The following CTSE variants were observed in gnomAD, a reference collection of about 807,000 sequenced individuals.
CTSE encodes the protein cathepsin E.
In CTSE, 43 loss-of-function variants were observed where a neutral mutation model predicts 42.8. The ratio of observed to expected loss-of-function variants is 1.01; its 90% confidence interval spans 0.79 to 1.30. The LOEUF is 1.30. Among genes scored for constraint, CTSE ranks in the 50% most tolerant of loss-of-function variants. The pLI is 0.00. For missense variants in CTSE, 532 were observed against 493.5 expected, an observed-to-expected ratio of 1.08 and a Z score of -0.74; for synonymous variants, 205 against 191.5, an observed-to-expected ratio of 1.07 and a Z score of -0.58.
intron 4 of CTSE, among the ~76,000 whole-genome samples, 188 bp downstream of exon 4, chr1:206,020,861 C>A (rs1553278258): frequency 6.6e-6 from 1 of 152,032 alleles, no homozygotes; most frequent in Non-Finnish European, 1.5e-5. Context: ...TCCCCCAGGG[C>A]CCAGCGTGCT....
chr1:206,023,334 G>A (rs114031154), intron 1 of CTSE, among the ~76,000 whole-genome samples: 1,914 of 151,890 alleles, frequency 0.013, 33 homozygotes, highest in African/African-American at 0.044. Flanking sequence ...GATGTGGGGC[G>A]GTCTACAGTT....
intron 5 of CTSE, chr1:206,014,198 A>G: frequency 3.0e-6 from 1 of 330,310 alleles, no homozygotes; most frequent in Non-Finnish European, 5.7e-6. Flanking sequence ...GGCCAGGACC[A>G]TCCTGGGTGG....
chr1:206,023,584 T>G, intron 1 of CTSE, 140 bp downstream of exon 1: 2 of 723,554 alleles, frequency 2.8e-6, no homozygotes, highest in Non-Finnish European at 4.8e-6. Flanking sequence ...GGTCACTGGA[T>G]GAGTCTCTTC....
intron 4 of CTSE, among the ~76,000 whole-genome samples, chr1:206,019,886 ATATAT>A (rs1345028520): frequency 2.8e-5 from 4 of 142,138 alleles, no homozygotes; most frequent in African/African-American, 1.0e-4. Context: ...ATATTATGTA[ATATAT>A]TATTACATAC....
intron 8 of CTSE, 71 bp downstream of exon 8, chr1:206,012,237 G>C (rs953152194): frequency 1.2e-5 from 15 of 1,288,772 alleles, no homozygotes; most frequent in Non-Finnish European, 1.7e-5. Flanking sequence ...AAGTGCAGGC[G>C]ATTGAAAAGG....
At chr1:206,023,634 C>T in intron 1 of CTSE, 90 bp downstream of exon 1, 1 of 1,252,334 alleles carries the variant, frequency 8.0e-7, no homozygotes. Flanking sequence ...CTCCTCTTCA[C>T]CTCCCCATCA....
rs372472827 is a variant in CTSE, at chr1:206,010,106, T to C, written c.*77A>G. 1.2e-5 allele frequency: 19 copies of C among 1,574,240 alleles called. No individual in the cohort carries two copies. The highest frequency in any genetic ancestry group is 1.5e-5 in the Non-Finnish European group (17 of 1,146,412). ...GCTACATTCTCTGGAAAATAACTTT[T>C]TGTAGGTGTAAAGAATGCCCCAGCC... On this transcript the variant is annotated 3_prime_UTR_variant, in exon 9 of 9. Transcript: ENST00000358184.
At chr1:206,023,231 C>T (rs1004537970) in intron 1 of CTSE, among the ~76,000 whole-genome samples, 174 bp from the exon 2 acceptor site, 14 of 151,900 alleles carry the variant, frequency 9.2e-5, no homozygotes, top group Admixed American at 2.0e-4. Flanking sequence ...TCAGCCTGCC[C>T]GGCCTCATCT....
intron 4 of CTSE, among the ~76,000 whole-genome samples, chr1:206,019,799 G>C (rs1202641109): frequency 7.2e-6 from 1 of 138,976 alleles, no homozygotes; most frequent in Non-Finnish European, 1.5e-5. Flanking sequence ...TTATATAATA[G>C]ATTAACATAT....
At chr1:206,022,836 T>A in intron 2 of CTSE, 65 bp downstream of exon 2, 1 of 1,437,654 alleles carries the variant, frequency 7.0e-7, no homozygotes. Context: ...GCACTGGCCA[T>A]GCCCTAATGC....
rs781892212 is a variant in CTSE, at chr1:206,015,920, A to T, written c.662+11T>A. ...AACTGACTTTAACCTCACAGACTTGATGGGCCTTACCTGCTCATGTAGACA... is the reference window on the plus strand; with the variant it reads ...AACTGACTTTAACCTCACAGACTTGTTGGGCCTTACCTGCTCATGTAGACA... On this transcript the variant is annotated intron_variant, in intron 5 of 8. Coordinates refer to ENST00000358184, the MANE Select transcript of CTSE (RefSeq NM_001910.4). 6 of 1,612,618 alleles carry T rather than the reference A, an allele frequency of 3.7e-6. No homozygotes were observed. The East Asian group carries it at 1.1e-4, about 30-fold the overall frequency.
chr1:206,014,971 C>T (rs186961652), intron 5 of CTSE, among the ~76,000 whole-genome samples: 9 of 152,026 alleles, frequency 5.9e-5, no homozygotes, highest in Non-Finnish European at 1.2e-4. Context: ...ACAGTGTGAA[C>T]GCAGGCCAGG....
Position 206,021,120 on chromosome 1 carries a change from G to C in CTSE, c.391C>G (p.Pro131Ala). 3 of 1,613,730 alleles carry C rather than the reference G, an allele frequency of 1.9e-6. No homozygotes were observed. The highest frequency in any genetic ancestry group is 2.5e-6 in the Non-Finnish European group (3 of 1,179,712). Residue 131 changes from proline to alanine, a missense_variant, in exon 4 of 9, where the codon CCA becomes GCA. Transcript: ENST00000358184. ...QPSQSSTYSQ[P>A]GQSFSIQYGT... ...TACTGAATGGAGAAAGATTGACCTG[G>C]CTGGCTGTATGTGCTGGACTGGGAA...
At chr1:206,011,466 G>A (rs1054108394) in intron 8 of CTSE, among the ~76,000 whole-genome samples, 2 of 152,072 alleles carry the variant, frequency 1.3e-5, no homozygotes, top group Admixed American at 6.5e-5. Flanking sequence ...CTGGTCCTCA[G>A]TGTGGTGTTC....
chr1:206,021,005 C>T (rs936166591), intron 4 of CTSE, 44 bp downstream of exon 4: 1 of 1,407,002 alleles, frequency 7.1e-7, no homozygotes, highest in South Asian at 1.2e-5. Flanking sequence ...ATAAGTCTCC[C>T]AAGTTTCTGT....
At chr1:206,014,166 C>T in intron 5 of CTSE, 1 of 379,820 alleles carries the variant, frequency 2.6e-6, no homozygotes, top group South Asian at 3.3e-5. Flanking sequence ...ATGGGGCCAG[C>T]AGGTCTGTCA....
chr1:206,013,573 C>T (rs1323376797), intron 6 of CTSE, among the ~76,000 whole-genome samples, 199 bp downstream of exon 6: 1 of 151,996 alleles, frequency 6.6e-6, no homozygotes, highest in Non-Finnish European at 1.5e-5. Flanking sequence ...GCCATGTGTA[C>T]AAGGAAGGAA....
At position 206,010,070 on chromosome 1, in the gene CTSE, C is replaced by T; in HGVS notation, c.*113G>A. 7 of 1,341,104 alleles carry T rather than the reference C, an allele frequency of 5.2e-6. No homozygotes were observed. Among genetic ancestry groups the T allele is most frequent in the Non-Finnish European group, 7.4e-6 (7 of 945,858 alleles). 83.1% of individuals were successfully genotyped at this position (1,341,104 alleles called of 1,614,324 possible). A position where few individuals can be genotyped will look rare whatever the true frequency, so the allele number is the denominator to read the frequency against. ...TGTTTGGTCTTAATTCAAGTTGCAACCCTGGAAACAGCTACATTCTCTGGA... is the reference window on the plus strand; with the variant it reads ...TGTTTGGTCTTAATTCAAGTTGCAATCCTGGAAACAGCTACATTCTCTGGA... On this transcript the variant is annotated 3_prime_UTR_variant, in exon 9 of 9. Coordinates refer to ENST00000358184, the MANE Select transcript of CTSE (RefSeq NM_001910.4).
intron 4 of CTSE, 58 bp from the exon 5 acceptor site, chr1:206,016,188 G>C: frequency 6.6e-7 from 1 of 1,516,354 alleles, no homozygotes; most frequent in Non-Finnish European, 9.1e-7. Context: ...TGCTGGCAAA[G>C]GGTTTGACTC....
Sources: gnomAD v4.1 joint callset for allele counts (sites outside exome capture counted in the v4.1 genomes callset) on GRCh38, gnomAD v4.1.1 for gene constraint, MANE v1.5 for transcripts, NCBI Gene and HGNC (gene_info 2026-07-23, HGNC 2026-07-21) for gene names.